TAB2: variants seen among roughly 807,000 people sequenced by gnomAD.
TAB2 encodes TGF-beta-activated kinase 1 and MAP3K7-binding protein 2.
In TAB2, 3 loss-of-function variants were observed where a neutral mutation model predicts 65.0. That is an observed-to-expected ratio of 0.05 (90% CI 0.02 to 0.12). The LOEUF is 0.12. TAB2 is among the 10% of genes least tolerant of loss of function. The pLI, the probability that TAB2 is intolerant of heterozygous loss-of-function variation, is 1.00. For synonymous variants in TAB2, 298 were observed against 285.1 expected (o/e 1.05, Z -0.46); for missense variants, 623 against 840.3 (o/e 0.74, Z 3.20).
intron 3 of TAB2, chr6:149,380,059 T>C (rs1198792936): frequency 1.5e-5 from 6 of 410,090 alleles, no homozygotes; most frequent in Admixed American, 5.8e-5. Flanking sequence ...GGGCAACATA[T>C]GGAGACTCCG....
intron 1 of TAB2, among the ~76,000 whole-genome samples, chr6:149,297,159 G>A (rs1006524968): frequency 1.3e-5 from 2 of 151,076 alleles, no homozygotes; most frequent in African/African-American, 4.9e-5. Context: ...GGTTAGACAC[G>A]GACACCTTGA....
At chr6:149,401,677 A>G (rs1302418401) in intron 6 of TAB2, among the ~76,000 whole-genome samples, 24 of 152,156 alleles carry the variant, frequency 1.6e-4, no homozygotes, top group Admixed American at 1.6e-3. Context: ...TGATTTGAAC[A>G]AGCACACACG....
chr6:149,220,647 T>C (rs1420270440), intron 1 of TAB2, among the ~76,000 whole-genome samples: 1 of 152,200 alleles, frequency 6.6e-6, no homozygotes, highest in Non-Finnish European at 1.5e-5. Context: ...TGACAGAGTC[T>C]TGCTCTGTCG....
intron 1 of TAB2, among the ~76,000 whole-genome samples, chr6:149,276,446 A>G (rs1283498193): frequency 3.3e-5 from 5 of 152,240 alleles, no homozygotes; most frequent in African/African-American, 9.6e-5. Flanking sequence ...ATTTACTTTA[A>G]CAAGAATTTG....
chr6:149,393,469 T>C (rs555539548), intron 3 of TAB2, among the ~76,000 whole-genome samples: 6 of 152,314 alleles, frequency 3.9e-5, no homozygotes, highest in African/African-American at 1.4e-4. Context: ...CTCTTTAACC[T>C]CAAAACACCT....
Position 149,369,785 on chromosome 6 carries a change from A to C in TAB2, c.-89-124A>C, listed in dbSNP as rs963633088. ...TATATGGAAAGCATTTTAGGTCTAA[A>C]TATTTTTATAGTTTATAATGTTAAG... On this transcript the variant is annotated intron_variant, in intron 1 of 6. Transcript: ENST00000637181. 19 of 603,836 alleles carry C rather than the reference A, an allele frequency of 3.1e-5. No individual in the cohort carries two copies. The African/African-American group carries it at 3.2e-4, about 10-fold the overall frequency. 37.4% of individuals were successfully genotyped at this position (603,836 alleles called of 1,614,324 possible). A position where few individuals can be genotyped will look rare whatever the true frequency, so the allele number is the denominator to read the frequency against.
intron 1 of TAB2, among the ~76,000 whole-genome samples, chr6:149,283,140 C>T (rs368263234): frequency 5.3e-5 from 8 of 152,188 alleles, no homozygotes; most frequent in African/African-American, 1.9e-4. Context: ...CGGGTGACAC[C>T]GTTCACCAGC....
In TAB2 at chr6:149,397,910, T is replaced by G. The variant is rs1782229806; in HGVS notation, c.1765-59T>G. On this transcript the variant is annotated intron_variant, in intron 4 of 6. Coordinates refer to ENST00000637181, the MANE Select transcript of TAB2 (RefSeq NM_001292034.3). ...ACTTTCTTGTGCCAAACTCCATTCTTTATTAACTAATGACTAAGAATTCAG... is the reference window on the plus strand; with the variant it reads ...ACTTTCTTGTGCCAAACTCCATTCTGTATTAACTAATGACTAAGAATTCAG... 7 of 1,587,768 alleles carry G rather than the reference T, an allele frequency of 4.4e-6. No individual in the cohort carries two copies. In the Admixed American group the frequency reaches 5.0e-5, roughly 11 times the overall value.
chr6:149,316,877 C>T (rs1455602283), upstream of TAB2, among the ~76,000 whole-genome samples: 1 of 152,082 alleles, frequency 6.6e-6, no homozygotes, highest in Non-Finnish European at 1.5e-5. Flanking sequence ...TGTGAGGCTC[C>T]CAAGACGTCT....
At chr6:149,272,446 T>C (rs984740107) in intron 1 of TAB2, among the ~76,000 whole-genome samples, 4 of 152,236 alleles carry the variant, frequency 2.6e-5, no homozygotes, top group Non-Finnish European at 5.9e-5. Context: ...ACTTCTTGCC[T>C]TTTCCAACTT....
intron 1 of TAB2, among the ~76,000 whole-genome samples, chr6:149,240,930 G>A (rs774555919): frequency 6.6e-6 from 1 of 152,120 alleles, no homozygotes; most frequent in African/African-American, 2.4e-5. Flanking sequence ...TGGAGATAAG[G>A]CCTTTATGGA....
chr6:149,231,988 G>A (rs984769087), intron 1 of TAB2, among the ~76,000 whole-genome samples: 3 of 152,130 alleles, frequency 2.0e-5, no homozygotes, highest in South Asian at 2.1e-4. Context: ...ATCTACAAAC[G>A]CTTGGGAAAA....
In TAB2 at chr6:149,297,974, C is replaced by T. The variant is rs142641814; in HGVS notation, c.-121+79198C>T. Among the ~76,000 whole-genome samples the T allele has an allele frequency of 2.0e-4, 31 of 152,142 alleles. No homozygotes were observed. The East Asian group carries it at 5.8e-3, about 28-fold the overall frequency. On this transcript the variant is annotated intron_variant, in intron 1 of 1. Coordinates refer to the TAB2 transcript ENST00000606202. ...CTAAAAAATATTTGATTTTCTGGGACAATACATTGGATTATGAAAATTCTG... is the reference window on the plus strand; with the variant it reads ...CTAAAAAATATTTGATTTTCTGGGATAATACATTGGATTATGAAAATTCTG...
At chr6:149,400,500 C>T (rs764530872) in intron 6 of TAB2, 8 of 1,614,110 alleles carry the variant, frequency 5.0e-6, no homozygotes, top group Non-Finnish European at 5.9e-6. Flanking sequence ...GATTAAGAGG[C>T]AGACACCACT....
intron 1 of TAB2, among the ~76,000 whole-genome samples, chr6:149,322,399 TTAAGAA>T (rs1388234000): frequency 6.6e-6 from 1 of 152,142 alleles, no homozygotes; most frequent in Non-Finnish European, 1.5e-5. Context: ...AATTTTTCCT[TTAAGAA>T]TACACTTCAA....
intron 1 of TAB2, among the ~76,000 whole-genome samples, chr6:149,295,804 G>A (rs141849121): frequency 1.3e-5 from 2 of 151,950 alleles, no homozygotes; most frequent in East Asian, 1.9e-4. Flanking sequence ...ACAGAGTCTT[G>A]CTCTGTTGCT....
chr6:149,273,652 G>A lies in TAB2; in HGVS notation c.-121+54876G>A, dbSNP rs80126273. Among the ~76,000 whole-genome samples, 498 of 152,302 alleles carry A rather than the reference G, an allele frequency of 3.3e-3. 2 individuals are homozygous for A. Among genetic ancestry groups the A allele is most frequent in the African/African-American group, 0.011 (473 of 41,568 alleles). ...GCAAATCAGCCTCTGGATGCCTGCC[G>A]CAAAGACAGCATCCACAGCCCATCA... is the stretch of plus-strand genomic sequence containing the variant. On this transcript the variant is annotated intron_variant, in intron 1 of 1. Coordinates refer to the TAB2 transcript ENST00000606202.
intron 1 of TAB2, among the ~76,000 whole-genome samples, chr6:149,329,783 A>T (rs1779728988): frequency 6.6e-6 from 1 of 152,036 alleles, no homozygotes. Flanking sequence ...ATGGGGTAGG[A>T]AGTCACCAAA....
chr6:149,329,319 A>G (rs1174584088), intron 1 of TAB2, among the ~76,000 whole-genome samples: 1 of 123,094 alleles, frequency 8.1e-6, no homozygotes, highest in East Asian at 2.4e-4. Context: ...ATTAAGAAGA[A>G]TAGGTAATGT....
Sources: allele counts gnomAD v4.1 joint callset (sites outside exome capture counted in the v4.1 genomes callset), GRCh38; gene constraint gnomAD v4.1.1; transcripts MANE v1.5; gene names NCBI Gene and HGNC (gene_info 2026-07-23, HGNC 2026-07-21).